ZNF385B: variants seen among roughly 807,000 people sequenced by gnomAD.
ZNF385B encodes the protein zinc finger protein 385B.
ZNF385B carries 23 observed loss-of-function variants against 39.2 expected under a neutral mutation model. That is an observed-to-expected ratio of 0.59 (90% CI 0.42 to 0.83). The LOEUF (loss-of-function observed/expected upper bound fraction) is 0.83, where lower values mean the gene tolerates loss of function less well. ZNF385B is among the 40% of genes least tolerant of loss of function. The pLI is 0.00. For synonymous variants in ZNF385B, 205 were observed against 222.6 expected (o/e 0.92, Z 0.70); for missense variants, 552 against 598.9 (o/e 0.92, Z 0.82).
rs562757647 is a variant in ZNF385B at position 179,778,841 on chromosome 2, A to T, written c.-154-8169T>A. Among the ~76,000 whole-genome samples the T allele has an allele frequency of 4.2e-4, 64 of 152,356 alleles. 1 individual carries two copies. Among genetic ancestry groups the T allele is most frequent in the African/African-American group, 1.3e-3 (54 of 41,592 alleles). On this transcript the variant is annotated intron_variant, in intron 1 of 9. Coordinates refer to ENST00000410066, the MANE Select transcript of ZNF385B (RefSeq NM_152520.6). ...CTACCAAAGTGAACCACAGTTTGTT[A>T]CATGTGCATAACAACAACAAAAAAA...
At chr2:179,635,294 A>G (rs1691646721) in intron 3 of ZNF385B, among the ~76,000 whole-genome samples, 1 of 150,806 alleles carries the variant, frequency 6.6e-6, no homozygotes, top group South Asian at 2.1e-4. Flanking sequence ...ACAGAAAGCC[A>G]AACACCGCAT....
intron 3 of ZNF385B, among the ~76,000 whole-genome samples, chr2:179,606,772 A>G (rs968406637): frequency 2.6e-5 from 4 of 152,208 alleles, no homozygotes; most frequent in Non-Finnish European, 4.4e-5. Context: ...AATGAAAGAG[A>G]AAATCTATAT....
At chr2:179,635,460 C>G (rs932670752) in intron 3 of ZNF385B, among the ~76,000 whole-genome samples, 2 of 151,738 alleles carry the variant, frequency 1.3e-5, no homozygotes, top group African/African-American at 4.8e-5. Context: ...TGCAGCAAAC[C>G]AATATGGCAC....
At chr2:179,764,572 CTTTA>C (rs1369120544) in intron 3 of ZNF385B, among the ~76,000 whole-genome samples, 1 of 151,914 alleles carries the variant, frequency 6.6e-6, no homozygotes, top group Non-Finnish European at 1.5e-5. Flanking sequence ...AGGACTCCAT[CTTTA>C]TTTATTTATA....
chr2:179,789,345 A>G (rs1272533094), intron 1 of ZNF385B, among the ~76,000 whole-genome samples: 6 of 152,216 alleles, frequency 3.9e-5, no homozygotes, highest in Non-Finnish European at 8.8e-5. Flanking sequence ...AAAGAACAGC[A>G]TGCATAGAAT....
chr2:179,467,243 G>A (rs2052161150), intron 6 of ZNF385B, among the ~76,000 whole-genome samples: 1 of 152,018 alleles, frequency 6.6e-6, no homozygotes, highest in Non-Finnish European at 1.5e-5. Context: ...TTTAAACTTG[G>A]TCTAATTCCA....
Position 179,770,692 on chromosome 2 carries a change from A to C in ZNF385B, c.-154-20T>G, listed in dbSNP as rs1703963508. 6.6e-6 allele frequency: 1 copy of C among 152,242 alleles called. No individual in the cohort carries two copies. Among genetic ancestry groups the C allele is most frequent in the African/African-American group, 2.4e-5 (1 of 41,456 alleles). The allele number at this position is 152,242 out of a possible 1,614,324, so 9.4% of individuals were successfully genotyped here. ...GAACATCTGAAATACAAAATAATAT[A>C]AAATTTTAGTAAACTGGTAATTGAA... is the stretch of plus-strand genomic sequence containing the variant. On this transcript the variant is annotated intron_variant, in intron 1 of 9. Coordinates refer to ENST00000410066, the MANE Select transcript of ZNF385B (RefSeq NM_152520.6).
intron 6 of ZNF385B, among the ~76,000 whole-genome samples, chr2:179,457,533 T>A (rs2050832169): frequency 6.6e-6 from 1 of 152,176 alleles, no homozygotes; most frequent in African/African-American, 2.4e-5. Context: ...TCTTGTCTAA[T>A]CCATGGTATC....
chr2:179,527,532 T>G (rs997007260), intron 4 of ZNF385B, among the ~76,000 whole-genome samples: 1 of 151,902 alleles, frequency 6.6e-6, no homozygotes, highest in Non-Finnish European at 1.5e-5. Context: ...CTGGTCATTT[T>G]TTTTTTTGGA....
chr2:179,469,267 C>T (rs1279878434), intron 6 of ZNF385B, among the ~76,000 whole-genome samples: 1 of 152,188 alleles, frequency 6.6e-6, no homozygotes, highest in Non-Finnish European at 1.5e-5. Flanking sequence ...ATAAGTTATA[C>T]TAACACTAAC....
intron 6 of ZNF385B, 66 bp from the exon 7 acceptor site, chr2:179,446,836 T>A: frequency 2.7e-6 from 4 of 1,501,758 alleles, no homozygotes; most frequent in Non-Finnish European, 3.6e-6. Flanking sequence ...TAAATCACCA[T>A]AGATGAATTA....
chr2:179,665,445 G>A lies in ZNF385B; in HGVS notation c.298+104058C>T, dbSNP rs1329129496. The stretch of plus-strand genomic sequence containing the variant: ...GCACTAAATCTTTTTCACCACTACG[G>A]TGACAATGCCATTTCTACCCAGACA... On this transcript the variant is annotated intron_variant, in intron 3 of 9. Coordinates refer to ENST00000410066, the MANE Select transcript of ZNF385B (RefSeq NM_152520.6). Among the ~76,000 whole-genome samples the A allele has an allele frequency of 2.6e-4, 40 of 152,122 alleles. 1 individual carries two copies. The highest frequency in any genetic ancestry group is 2.6e-3 in the Admixed American group (40 of 15,278).
chr2:179,858,606 A>G (rs1684783709), intron 1 of ZNF385B, among the ~76,000 whole-genome samples: 1 of 152,172 alleles, frequency 6.6e-6, no homozygotes, highest in East Asian at 1.9e-4. Context: ...TAAAAAGACC[A>G]TATTGAGACA....
intron 3 of ZNF385B, among the ~76,000 whole-genome samples, chr2:179,559,628 A>T: frequency 6.7e-6 from 1 of 150,332 alleles, no homozygotes; most frequent in African/African-American, 2.5e-5. Flanking sequence ...TTTACTTTAC[A>T]ACTTGACTGT....
intron 3 of ZNF385B, among the ~76,000 whole-genome samples, chr2:179,599,393 CAAAT>C: frequency 6.6e-6 from 1 of 152,178 alleles, no homozygotes; most frequent in East Asian, 1.9e-4. Flanking sequence ...TTTTGATAAA[CAAAT>C]GTTTAGTTTC....
At chr2:179,577,090 C>A (rs924142420) in intron 3 of ZNF385B, among the ~76,000 whole-genome samples, 1 of 152,056 alleles carries the variant, frequency 6.6e-6, no homozygotes, top group African/African-American at 2.4e-5. Flanking sequence ...TCATTATCTG[C>A]AAATGAATAT....
chr2:179,540,462 A>C (rs949591511), intron 4 of ZNF385B, among the ~76,000 whole-genome samples: 4 of 152,028 alleles, frequency 2.6e-5, no homozygotes, highest in African/African-American at 4.8e-5. Context: ...AACAAAAACA[A>C]AACAAAACAC....
rs529409650 is a variant in ZNF385B at position 179,447,101 on chromosome 2, C to T, written c.716-331G>A. ...ATTTATTATTAAACAAAACCACCTT[C>T]CCTCTGATACAATTACATGATATGA... On this transcript the variant is annotated intron_variant, in intron 6 of 9. Coordinates refer to ENST00000410066, the MANE Select transcript of ZNF385B (RefSeq NM_152520.6). Among the ~76,000 whole-genome samples, 10 of 152,282 alleles carry T rather than the reference C, an allele frequency of 6.6e-5. No individual in the cohort carries two copies. In the South Asian group the frequency reaches 2.1e-3, roughly 32 times the overall value.
chr2:179,518,421 T>C (rs973180237), intron 5 of ZNF385B, 107 bp downstream of exon 5: 36 of 807,956 alleles, frequency 4.5e-5, no homozygotes, highest in Admixed American at 4.4e-4. Context: ...GGGCTACCAA[T>C]AGGAGTGGCT....
Sources: allele counts gnomAD v4.1 joint callset (sites outside exome capture counted in the v4.1 genomes callset), GRCh38; gene constraint gnomAD v4.1.1; transcripts MANE v1.5; gene names NCBI Gene and HGNC (gene_info 2026-07-23, HGNC 2026-07-21).